ZNF469: variants seen among roughly 807,000 people sequenced by gnomAD.
ZNF469 encodes zinc finger protein 469.
In ZNF469, 1 loss-of-function variant was observed where a neutral mutation model predicts 1.0. That is an observed-to-expected ratio of 1.00 (90% CI 0.35 to 4.73). The LOEUF (loss-of-function observed/expected upper bound fraction) is 4.73, where lower values mean the gene tolerates loss of function less well. Ranked by LOEUF, ZNF469 falls within the 30% of genes most tolerant of loss-of-function variation. The pLI, the probability that ZNF469 is intolerant of heterozygous loss-of-function variation, is 0.16. For missense variants in ZNF469, 6,100 were observed against 5,356.3 expected (o/e 1.14, Z -4.33); for synonymous variants, 2,703 against 2,363.4 (o/e 1.14, Z -4.17).
the ZNF469 span, among the ~76,000 whole-genome samples, chr16:88,138,839 A>G: frequency 1.3e-5 from 2 of 152,356 alleles, no homozygotes; most frequent in South Asian, 2.1e-4. Flanking sequence ...CTACTTTTCT[A>G]TGTTGTATCT....
chr16:88,242,501 G>A, the ZNF469 span, among the ~76,000 whole-genome samples: 1 of 152,140 alleles, frequency 6.6e-6, no homozygotes, highest in Non-Finnish European at 1.5e-5. Flanking sequence ...GATTGGACTG[G>A]GGCCCACCCA....
At chr16:88,281,622 C>T in the ZNF469 span, among the ~76,000 whole-genome samples, 2 of 150,410 alleles carry the variant, frequency 1.3e-5, no homozygotes, top group Admixed American at 6.6e-5. Context: ...TGCTGTGCCA[C>T]ACCGATGCTT....
chr16:88,319,240 C>A, the ZNF469 span, among the ~76,000 whole-genome samples: 15 of 152,256 alleles, frequency 9.9e-5, no homozygotes, highest in East Asian at 1.9e-3. Flanking sequence ...TCCGAGGGGG[C>A]CTTGCAGGTG....
chr16:88,301,162 CT>C, the ZNF469 span, among the ~76,000 whole-genome samples: 1 of 149,682 alleles, frequency 6.7e-6, no homozygotes, highest in African/African-American at 2.5e-5. Flanking sequence ...CCACACTTTT[CT>C]TTTTTTTTTG....
the ZNF469 span, among the ~76,000 whole-genome samples, chr16:88,208,948 T>C: frequency 1.3e-5 from 2 of 151,760 alleles, no homozygotes; most frequent in Non-Finnish European, 2.9e-5. Context: ...GGTATTTGCT[T>C]ATTTGCTCAG....
the ZNF469 span, among the ~76,000 whole-genome samples, chr16:88,357,957 G>A: frequency 6.6e-6 from 1 of 152,242 alleles, no homozygotes; most frequent in Non-Finnish European, 1.5e-5. Flanking sequence ...CAGATGCCTG[G>A]GATGGCATTT....
At position 88,438,741 on chromosome 16, in the gene ZNF469, C is replaced by T. The variant is rs1906785871; in HGVS notation, c.11271C>T (p.Leu3757=). 6.5e-7 allele frequency: 1 copy of T among 1,550,054 alleles called. No individual in the cohort carries two copies. The highest frequency in any genetic ancestry group is 2.4e-5 in the East Asian group (1 of 40,900). ...GSQPQPASGQ[L]QSETATTPAK... is the part of the protein sequence containing the mutation. Reference sequence around the variant, plus strand: ...AGCCCCAGCCAGCCAGCGGGCAGCTCCAGAGCGAGACAGCCACCACCCCAG... The same window carrying T: ...AGCCCCAGCCAGCCAGCGGGCAGCTTCAGAGCGAGACAGCCACCACCCCAG... The change falls in exon 3 of 3, where the codon CTC becomes CTT. Residue 3757 remains leucine, a synonymous_variant. Coordinates refer to ENST00000565624, the MANE Select transcript of ZNF469 (RefSeq NM_001367624.2).
the ZNF469 span, among the ~76,000 whole-genome samples, chr16:88,336,979 G>A: frequency 3.9e-4 from 60 of 152,152 alleles, no homozygotes; most frequent in Non-Finnish European, 8.5e-4. Context: ...CTTCCACTCG[G>A]CCCCGTGTTT....
chr16:88,218,342 G>T, the ZNF469 span, among the ~76,000 whole-genome samples: 3 of 149,636 alleles, frequency 2.0e-5, no homozygotes, highest in Non-Finnish European at 4.5e-5. Context: ...CTGGATATTA[G>T]CCCTTTGTCA....
the ZNF469 span, among the ~76,000 whole-genome samples, chr16:88,287,813 A>G: frequency 6.6e-6 from 1 of 152,262 alleles, no homozygotes; most frequent in African/African-American, 2.4e-5. Context: ...CATTAGCCTT[A>G]TGGCCAGCGC....
the ZNF469 span, among the ~76,000 whole-genome samples, chr16:88,232,193 C>T: frequency 4.5e-4 from 69 of 152,304 alleles, no homozygotes; most frequent in African/African-American, 1.4e-3. Flanking sequence ...AACTAGAGCA[C>T]GAAATCACGC....
At chr16:88,294,197 G>T in the ZNF469 span, among the ~76,000 whole-genome samples, 1 of 152,244 alleles carries the variant, frequency 6.6e-6, no homozygotes. Context: ...AAGATCAGCT[G>T]AAACTGTCTT....
chr16:88,307,105 TG>T, the ZNF469 span, among the ~76,000 whole-genome samples: 2 of 152,206 alleles, frequency 1.3e-5, no homozygotes, highest in Non-Finnish European at 2.9e-5. Flanking sequence ...ATACCACACA[TG>T]GCCCTTTGAA....
chr16:88,376,684 C>G, the ZNF469 span, among the ~76,000 whole-genome samples: 10 of 152,256 alleles, frequency 6.6e-5, no homozygotes, highest in Admixed American at 3.9e-4. Flanking sequence ...AGAGCAGCTG[C>G]CCACGGCCCC....
At chr16:88,233,019 G>T in the ZNF469 span, among the ~76,000 whole-genome samples, 1 of 152,136 alleles carries the variant, frequency 6.6e-6, no homozygotes, top group Non-Finnish European at 1.5e-5. Flanking sequence ...TTCCTCCTCC[G>T]CCAGATCCTC....
the ZNF469 span, chr16:88,178,487 G>A: frequency 6.6e-6 from 1 of 152,358 alleles, no homozygotes; most frequent in East Asian, 1.9e-4. Flanking sequence ...CATCCCGAGA[G>A]CACTGACGTC....
chr16:88,163,320 T>C, the ZNF469 span, among the ~76,000 whole-genome samples: 1 of 139,642 alleles, frequency 7.2e-6, no homozygotes, highest in Non-Finnish European at 1.5e-5. Flanking sequence ...GATGGATGGA[T>C]GGATGGATAG....
At chr16:88,344,456 T>G in the ZNF469 span, among the ~76,000 whole-genome samples, 1 of 152,016 alleles carries the variant, frequency 6.6e-6, no homozygotes, top group Non-Finnish European at 1.5e-5. Context: ...TAAGAGTTTA[T>G]TGAAGAGCCA....
intron 1 of ZNF469, among the ~76,000 whole-genome samples, chr16:88,399,231 C>T (rs536672225): frequency 6.6e-6 from 1 of 152,226 alleles, no homozygotes; most frequent in Non-Finnish European, 1.5e-5. Context: ...CCCTCCCTCC[C>T]CTCTGCTCCC....
Sources: gnomAD v4.1 joint callset for allele counts (sites outside exome capture counted in the v4.1 genomes callset) on GRCh38, gnomAD v4.1.1 for gene constraint, MANE v1.5 for transcripts, NCBI Gene and HGNC (gene_info 2026-07-23, HGNC 2026-07-21) for gene names.